Variants in IMPA2 observed in about 807,000 individuals in gnomAD.
IMPA2 encodes the protein inositol monophosphatase 2.
In IMPA2, 32 loss-of-function variants were observed where a neutral mutation model predicts 35.1. The ratio of observed to expected loss-of-function variants is 0.91; its 90% CI spans 0.69 to 1.23. The LOEUF (loss-of-function observed/expected upper bound fraction) is 1.23, where lower values mean the gene tolerates loss of function less well. Ranked by LOEUF, IMPA2 falls within the 50% of genes most tolerant of loss-of-function variation. The probability of loss-of-function intolerance (pLI) is 0.00; values close to 1 mark genes in which losing one functional copy is unlikely to be tolerated. For missense variants in IMPA2, 334 were observed against 387.6 expected, an observed-to-expected ratio of 0.86 and a Z score of 1.16; for synonymous variants, 135 against 160.6, an observed-to-expected ratio of 0.84 and a Z score of 1.20.
At chr18:12,029,904 C>A (rs374640698) in intron 7 of IMPA2, among the ~76,000 whole-genome samples, 1 of 152,226 alleles carries the variant, frequency 6.6e-6, no homozygotes, top group African/African-American at 2.4e-5. Flanking sequence ...CAGCGGTGCA[C>A]CCCCAGGAGC....
intron 1 of IMPA2, chr18:11,994,372 T>A (rs1434996496): frequency 6.6e-6 from 1 of 152,184 alleles, no homozygotes; most frequent in Non-Finnish European, 1.5e-5. Context: ...AGAGACCCTG[T>A]CTCAAGAGAA....
intron 2 of IMPA2, among the ~76,000 whole-genome samples, chr18:12,001,613 G>A (rs1317219743): frequency 6.6e-6 from 1 of 152,160 alleles, no homozygotes; most frequent in Non-Finnish European, 1.5e-5. Context: ...GTGTACACAA[G>A]GTAAAAGTTA....
At position 11,995,744 on chromosome 18, in the gene IMPA2, CAACAGGGCAACCAGAAA is replaced by C. The variant is rs373906838; in HGVS notation, c.97-3304_97-3288del. On this transcript the variant is annotated intron_variant, in intron 1 of 7. Transcript: ENST00000269159. ...TGTGGATGGAAGCACTGGATCTTTTCAACAGGGCAACCAGAAAAACAGCCAGACAGAAGGACCTGGGT... is the reference window on the plus strand; with the variant it reads ...TGTGGATGGAAGCACTGGATCTTTTCAACAGCCAGACAGAAGGACCTGGGT... 3.3e-3 allele frequency among the ~76,000 whole-genome samples: 498 copies of C among 152,218 alleles called. 2 individuals are homozygous for C. The highest frequency in any genetic ancestry group is 0.031 in the Middle Eastern group (9 of 294).
At chr18:12,001,280 T>C (rs1217972902) in intron 2 of IMPA2, among the ~76,000 whole-genome samples, 1 of 152,008 alleles carries the variant, frequency 6.6e-6, no homozygotes, top group Non-Finnish European at 1.5e-5. Context: ...AGCAAAAGAA[T>C]TTATCATATG....
At chr18:12,017,419 TC>T (rs983649129) in intron 5 of IMPA2, among the ~76,000 whole-genome samples, 5 of 152,094 alleles carry the variant, frequency 3.3e-5, no homozygotes, top group African/African-American at 1.2e-4. Context: ...CCAAAATGCA[TC>T]CCTAAAATCA....
intron 2 of IMPA2, among the ~76,000 whole-genome samples, chr18:12,007,663 CTTTCTTT>C (rs137953812): frequency 5.1e-5 from 6 of 117,028 alleles, no homozygotes; most frequent in South Asian, 2.7e-4. Context: ...TTCTTTCTTT[CTTTCTTT>C]CTTTCTTTCC....
intron 5 of IMPA2, among the ~76,000 whole-genome samples, chr18:12,023,040 C>T (rs923151005): frequency 6.8e-6 from 1 of 147,786 alleles, no homozygotes; most frequent in African/African-American, 2.5e-5. Flanking sequence ...AATGATCTAC[C>T]TGCTTTGGCC....
intron 2 of IMPA2, among the ~76,000 whole-genome samples, chr18:12,004,602 C>T (rs1276835664): frequency 1.3e-5 from 2 of 150,870 alleles, no homozygotes; most frequent in African/African-American, 2.4e-5. Context: ...GCAATCTCTG[C>T]TCACTGCAAC....
chr18:12,001,659 C>T (rs1361465221), intron 2 of IMPA2, among the ~76,000 whole-genome samples: 3 of 152,204 alleles, frequency 2.0e-5, no homozygotes, highest in Non-Finnish European at 4.4e-5. Context: ...CCTCCCTCCA[C>T]CCTTGAGGCC....
chr18:11,993,575 G>A (rs1351036663), intron 1 of IMPA2, among the ~76,000 whole-genome samples: 1 of 152,212 alleles, frequency 6.6e-6, no homozygotes. Context: ...CTCCCAACCT[G>A]GAGGAGTGCA....
At chr18:12,014,620 C>A (rs1222082545) in intron 5 of IMPA2, among the ~76,000 whole-genome samples, 1 of 152,028 alleles carries the variant, frequency 6.6e-6, no homozygotes, top group East Asian at 1.9e-4. Context: ...ATCTTTCAGG[C>A]TAAAAGTACT....
chr18:12,001,913 C>T (rs1907126138), intron 2 of IMPA2, among the ~76,000 whole-genome samples: 1 of 152,214 alleles, frequency 6.6e-6, no homozygotes, highest in Non-Finnish European at 1.5e-5. Flanking sequence ...GCACCACGGA[C>T]AGCCCCAGTC....
At chr18:12,030,313 G>A (rs1598709203) in intron 7 of IMPA2, 30 bp from the exon 8 acceptor site, 8 of 1,556,874 alleles carry the variant, frequency 5.1e-6, no homozygotes, top group South Asian at 1.1e-5. Flanking sequence ...CTGGTAACCC[G>A]GATGCCTGGC....
chr18:12,009,844 C>A, intron 2 of IMPA2, 39 bp from the exon 3 acceptor site: 1 of 1,503,392 alleles, frequency 6.7e-7, no homozygotes, highest in Non-Finnish European at 9.3e-7. Context: ...TATTCTGTGT[C>A]CTTGGTGCAT....
intron 5 of IMPA2, chr18:12,021,944 C>G (rs2143820507): frequency 6.6e-6 from 1 of 152,312 alleles, no homozygotes; most frequent in Middle Eastern, 3.4e-3. Context: ...TCGGAAGTCA[C>G]TGGCTATTCA....
Position 12,028,365 on chromosome 18 carries a change from GC to G in IMPA2, c.599+215del, listed in dbSNP as rs1268885856. On this transcript the variant is annotated intron_variant, in intron 6 of 7. Transcript: ENST00000269159. ...CTGGAGATGCGTGGGCACCTGTGTT[GC>G]TTCTGATCAGAATCCATGGAACTGA... The G allele has an allele frequency of 5.4e-6, 3 of 556,606 alleles. No individual in the cohort carries two copies. In the African/African-American group the frequency reaches 5.6e-5, roughly 10 times the overall value. 34.5% of individuals were successfully genotyped at this position (556,606 alleles called of 1,614,324 possible).
chr18:11,992,134 G>A (rs1906832870), intron 1 of IMPA2, among the ~76,000 whole-genome samples: 1 of 152,226 alleles, frequency 6.6e-6, no homozygotes, highest in Admixed American at 6.5e-5. Context: ...GAGCCACCAC[G>A]CCTAGCCCAG....
At position 12,009,978 on chromosome 18, in the gene IMPA2, T is replaced by A; in HGVS notation, c.326T>A (p.Phe109Tyr). ...GACCCCATCGACGGCACCTGCAATTTTGTGCACAGGTGAGCTGAGCAGGGA... is the reference window on the plus strand; with the variant it reads ...GACCCCATCGACGGCACCTGCAATTATGTGCACAGGTGAGCTGAGCAGGGA... ...IIDPIDGTCN[F>Y]VHRFPTVAVS... The change falls in exon 3 of 8, where the codon TTT (phenylalanine) becomes TAT (tyrosine). Residue 109 changes from phenylalanine to tyrosine, a missense_variant. By Grantham distance (22) the Phe-to-Tyr change is conservative (BLOSUM62 3). Transcript: ENST00000269159. 6.2e-7 allele frequency: 1 copy of A among 1,613,290 alleles called. No individual in the cohort carries two copies. Among genetic ancestry groups the A allele is most frequent in the Non-Finnish European group, 8.5e-7 (1 of 1,179,482 alleles).
intron 1 of IMPA2, among the ~76,000 whole-genome samples, chr18:11,992,861 G>T (rs1476839537): frequency 5.9e-5 from 9 of 152,182 alleles, no homozygotes; most frequent in African/African-American, 2.2e-4. Context: ...GGGCAGGGCT[G>T]TTTGAGTCTC....
Sources: allele counts gnomAD v4.1 joint callset (sites outside exome capture counted in the v4.1 genomes callset), GRCh38; gene constraint gnomAD v4.1.1; transcripts MANE v1.5; gene names NCBI Gene and HGNC (gene_info 2026-07-23, HGNC 2026-07-21).